Variants in COL10A1 observed in about 807,000 individuals in gnomAD.
The protein encoded by COL10A1 is collagen type X alpha 1 chain.
In COL10A1, 10 loss-of-function variants were observed where a neutral mutation model predicts 18.2. That is an observed-to-expected ratio of 0.55 (90% CI 0.34 to 0.93). The LOEUF (loss-of-function observed/expected upper bound fraction) is 0.93, where lower values mean the gene tolerates loss of function less well. Among genes scored for constraint, COL10A1 ranks in the 40% least tolerant of loss-of-function variants. COL10A1 has a pLI of 0.02. For missense variants in COL10A1, 897 were observed against 853.5 expected (o/e 1.05, Z -0.64); for synonymous variants, 330 against 316.6 (o/e 1.04, Z -0.45).
the COL10A1 span, among the ~76,000 whole-genome samples, chr6:116,165,431 CA>C: frequency 6.6e-6 from 1 of 152,290 alleles, no homozygotes; most frequent in East Asian, 1.9e-4. Flanking sequence ...ATATGTTTTC[CA>C]AATTGCTTAC....
At chr6:116,122,612 G>A (rs892331507) in intron 2 of COL10A1, among the ~76,000 whole-genome samples, 3 of 152,314 alleles carry the variant, frequency 2.0e-5, no homozygotes, top group South Asian at 2.1e-4. Flanking sequence ...ATTTCATAGA[G>A]CTGTGAGTTC....
the COL10A1 span, among the ~76,000 whole-genome samples, chr6:116,187,199 T>G: frequency 6.6e-6 from 1 of 151,950 alleles, no homozygotes; most frequent in Admixed American, 6.6e-5. Flanking sequence ...CTGCACAGAG[T>G]CCTGTGATGT....
chr6:116,171,135 C>T, the COL10A1 span, among the ~76,000 whole-genome samples: 1 of 152,002 alleles, frequency 6.6e-6, no homozygotes, highest in African/African-American at 2.4e-5. Context: ...GTAGGTGTTC[C>T]ATAAGTGATT....
At chr6:116,162,365 G>A (rs1365008407), upstream of COL10A1, among the ~76,000 whole-genome samples, 1 of 152,124 alleles carries the variant, frequency 6.6e-6, no homozygotes, top group East Asian at 1.9e-4. Context: ...AGTTCTTAAA[G>A]GAAATGCTTT....
At chr6:116,139,776 AT>A (rs1191150929) in intron 1 of COL10A1, among the ~76,000 whole-genome samples, 1 of 152,184 alleles carries the variant, frequency 6.6e-6, no homozygotes, top group Non-Finnish European at 1.5e-5. Context: ...AAAAGGCATT[AT>A]AAATATTAAT....
chr6:116,141,060 A>T (rs957356698), intron 1 of COL10A1, among the ~76,000 whole-genome samples: 3 of 152,166 alleles, frequency 2.0e-5, no homozygotes, highest in Admixed American at 2.0e-4. Context: ...TGTTTTTACC[A>T]GCAGGGTATA....
chr6:116,210,160 A>G, the COL10A1 span, among the ~76,000 whole-genome samples: 1 of 152,146 alleles, frequency 6.6e-6, no homozygotes, highest in South Asian at 2.1e-4. Context: ...GCAGAAATCT[A>G]ATTTGGTGTT....
chr6:116,202,624 T>C, the COL10A1 span, among the ~76,000 whole-genome samples: 1 of 152,150 alleles, frequency 6.6e-6, no homozygotes, highest in Admixed American at 6.5e-5. Flanking sequence ...GAGTGGTATT[T>C]ACAGAGTCAT....
chr6:116,179,914 T>C, the COL10A1 span, among the ~76,000 whole-genome samples: 135 of 152,284 alleles, frequency 8.9e-4, no homozygotes, highest in African/African-American at 3.2e-3. Context: ...GTGATCCCTC[T>C]GAAGCAAGTT....
chr6:116,161,106 C>T (rs998894573), upstream of COL10A1, among the ~76,000 whole-genome samples: 1 of 150,232 alleles, frequency 6.7e-6, no homozygotes. Flanking sequence ...AAACCAAACA[C>T]CGCATGTTCT....
At chr6:116,144,007 C>T (rs1283461545) in intron 1 of COL10A1, among the ~76,000 whole-genome samples, 1 of 151,982 alleles carries the variant, frequency 6.6e-6, no homozygotes, top group Non-Finnish European at 1.5e-5. Flanking sequence ...AGATTAGGAG[C>T]TTTATCATTA....
chr6:116,185,108 T>C, the COL10A1 span, among the ~76,000 whole-genome samples: 2 of 152,108 alleles, frequency 1.3e-5, no homozygotes, highest in Non-Finnish European at 1.5e-5. Flanking sequence ...CCATCTTGAG[T>C]TCATTGTTGA....
the COL10A1 span, among the ~76,000 whole-genome samples, chr6:116,172,458 A>T: frequency 6.6e-6 from 1 of 151,208 alleles, no homozygotes. Flanking sequence ...AGTAGGTAGG[A>T]CTACAGGCGC....
the COL10A1 span, among the ~76,000 whole-genome samples, chr6:116,198,689 A>G: frequency 6.6e-6 from 1 of 151,986 alleles, no homozygotes; most frequent in African/African-American, 2.4e-5. Flanking sequence ...CGATCACACC[A>G]CTGCACTCCA....
intron 1 of COL10A1, among the ~76,000 whole-genome samples, chr6:116,155,793 T>G (rs1315459505): frequency 3.2e-4 from 48 of 151,412 alleles, no homozygotes; most frequent in Non-Finnish European, 2.9e-5. Context: ...GTTGTGTGTG[T>G]ACTGAAATGG....
At chr6:116,214,937 G>C in the COL10A1 span, among the ~76,000 whole-genome samples, 1 of 152,028 alleles carries the variant, frequency 6.6e-6, no homozygotes, top group Non-Finnish European at 1.5e-5. Flanking sequence ...TGTCTGATTG[G>C]CCAGTGTGTA....
intron 1 of COL10A1, among the ~76,000 whole-genome samples, chr6:116,143,888 T>G (rs1779826705): frequency 6.6e-6 from 1 of 152,194 alleles, no homozygotes; most frequent in South Asian, 2.1e-4. Flanking sequence ...TTTTCTCTGT[T>G]AGATTTTAAT....
chr6:116,164,502 T>C, the COL10A1 span, among the ~76,000 whole-genome samples: 7 of 152,230 alleles, frequency 4.6e-5, no homozygotes, highest in Non-Finnish European at 1.0e-4. Flanking sequence ...GGGTCTCTTT[T>C]AGGCAGCAGA....
upstream of COL10A1, among the ~76,000 whole-genome samples, chr6:116,126,485 A>G (rs1258116279): frequency 6.6e-6 from 1 of 152,158 alleles, no homozygotes; most frequent in Admixed American, 6.6e-5. Context: ...ATTATATAAT[A>G]TGTGGTAGTA....
Sources: allele counts gnomAD v4.1 joint callset (sites outside exome capture counted in the v4.1 genomes callset), GRCh38; gene constraint gnomAD v4.1.1; transcripts MANE v1.5; gene names NCBI Gene and HGNC (gene_info 2026-07-23, HGNC 2026-07-21).